ADCY10: variants seen among roughly 807,000 people sequenced by gnomAD.
ADCY10 encodes the protein adenylate cyclase type 10.
In ADCY10, 156 loss-of-function variants were observed where a neutral mutation model predicts 183.3. The ratio of observed to expected loss-of-function variants is 0.85; its 90% CI spans 0.75 to 0.97. ADCY10 has a LOEUF of 0.97. Ranked by LOEUF, ADCY10 falls within the 50% of genes least tolerant of loss-of-function variation. The pLI, the probability that ADCY10 is intolerant of heterozygous loss-of-function variation, is 0.00. For synonymous variants in ADCY10, 645 were observed against 670.0 expected (o/e 0.96, Z 0.58); for missense variants, 1,745 against 1,934.3 (o/e 0.90, Z 1.84).
chr1:167,898,220 T>C (rs969992018), intron 6 of ADCY10, among the ~76,000 whole-genome samples: 2 of 151,446 alleles, frequency 1.3e-5, no homozygotes, highest in South Asian at 2.1e-4. Flanking sequence ...AGGTGAGGGA[T>C]ATATGGAAAC....
intron 21 of ADCY10, among the ~76,000 whole-genome samples, chr1:167,838,980 T>C (rs1664428822): frequency 6.6e-6 from 1 of 152,246 alleles, no homozygotes; most frequent in Non-Finnish European, 1.5e-5. Context: ...CCGTTGACCA[T>C]ACCCAAAAAC....
chr1:167,874,051 G>T (rs1407485391), intron 13 of ADCY10, among the ~76,000 whole-genome samples: 1 of 152,188 alleles, frequency 6.6e-6, no homozygotes, highest in Non-Finnish European at 1.5e-5. Flanking sequence ...AAATGTCTGG[G>T]CTGGGCACAG....
intron 13 of ADCY10, among the ~76,000 whole-genome samples, 157 bp from the exon 14 acceptor site, chr1:167,870,567 C>T (rs951730359): frequency 1.4e-5 from 2 of 145,094 alleles, no homozygotes; most frequent in Admixed American, 7.2e-5. Context: ...CCGAGGTGGG[C>T]GGATCTGCTG....
chr1:167,812,651 A>C (rs1571199200), intron 31 of ADCY10, among the ~76,000 whole-genome samples: 1 of 152,216 alleles, frequency 6.6e-6, no homozygotes, highest in South Asian at 2.1e-4. Context: ...CAAGGGGGAA[A>C]AAATATCAAG....
At chr1:167,887,255 A>T (rs903942771) in intron 8 of ADCY10, among the ~76,000 whole-genome samples, 6 of 152,354 alleles carry the variant, frequency 3.9e-5, no homozygotes, top group African/African-American at 1.4e-4. Context: ...ATGTATGTTT[A>T]TTGTGGCACT....
chr1:167,862,569 T>C (rs1666361194), intron 14 of ADCY10, among the ~76,000 whole-genome samples: 1 of 152,186 alleles, frequency 6.6e-6, no homozygotes, highest in Admixed American at 6.5e-5. Context: ...CAAATTTCTG[T>C]TGTAAGCCAT....
intron 13 of ADCY10, 87 bp downstream of exon 13, chr1:167,875,044 T>C (rs1480813840): frequency 1.8e-6 from 2 of 1,089,448 alleles, no homozygotes; most frequent in Non-Finnish European, 2.8e-6. Flanking sequence ...GATAATTCAT[T>C]AAGCTGCACA....
Position 167,905,943 on chromosome 1 carries a change from A to C in ADCY10, c.-58-745T>G, listed in dbSNP as rs75966248. Among the ~76,000 whole-genome samples, 891 of 152,332 alleles carry C rather than the reference A, an allele frequency of 5.8e-3. 5 individuals are homozygous for C. The highest frequency in any genetic ancestry group is 0.021 in the African/African-American group (857 of 41,558). ...TCATGCTCTACCAGCCTGAACAGTA[A>C]AAGCAAACACCCTTTACTTTTTCAG... On this transcript the variant is annotated intron_variant, in intron 1 of 32. Coordinates refer to ENST00000367851, the MANE Select transcript of ADCY10 (RefSeq NM_018417.6).
At chr1:167,815,052 GA>G (rs1397891476) in intron 31 of ADCY10, among the ~76,000 whole-genome samples, 2 of 152,198 alleles carry the variant, frequency 1.3e-5, no homozygotes, top group South Asian at 2.1e-4. Flanking sequence ...TTGAACCTAG[GA>G]GACGGAGGTT....
At chr1:167,882,868 C>T (rs1667964168) in intron 9 of ADCY10, among the ~76,000 whole-genome samples, 1 of 152,160 alleles carries the variant, frequency 6.6e-6, no homozygotes. Context: ...TCAGCATCCT[C>T]ATCTATATAA....
rs75209820 is a variant in ADCY10, at chr1:167,818,069, C to T, written c.4482+3G>A. ...ATACTGGAAACTGGAGAATAGGCCT[C>T]ACCTTGAGTAGCTCCTCCCCACTGG... On this transcript the variant is annotated splice_donor_region_variant and intron_variant, in intron 31 of 32. Coordinates refer to ENST00000367851, the MANE Select transcript of ADCY10 (RefSeq NM_018417.6). 4.5e-3 allele frequency: 7,287 copies of T among 1,614,096 alleles called. 87 individuals are homozygous for T. The highest frequency in any genetic ancestry group is 0.035 in the African/African-American group (2,650 of 75,038).
chr1:167,896,456 TA>T, intron 7 of ADCY10, 138 bp downstream of exon 7: 1 of 759,624 alleles, frequency 1.3e-6, no homozygotes, highest in Non-Finnish European at 2.4e-6. Context: ...GAATGGGAAG[TA>T]GGTCCCCTTT....
intron 16 of ADCY10, among the ~76,000 whole-genome samples, chr1:167,858,576 CA>C (rs1029611486): frequency 1.6e-4 from 24 of 149,638 alleles, no homozygotes; most frequent in African/African-American, 5.2e-4. Flanking sequence ...TAATGAATGG[CA>C]ATATGCCATA....
chr1:167,879,784 AT>A (rs1318756749), intron 11 of ADCY10, among the ~76,000 whole-genome samples: 2 of 152,172 alleles, frequency 1.3e-5, no homozygotes, highest in Non-Finnish European at 2.9e-5. Flanking sequence ...AACATTCATA[AT>A]TTTTAAGGAG....
Position 167,904,731 on chromosome 1 carries a change from G to A in ADCY10, c.148+262C>T, listed in dbSNP as rs371100906. 1,399 of 611,610 alleles carry A rather than the reference G, an allele frequency of 2.3e-3. 38 individuals are homozygous for A. In the South Asian group the frequency reaches 0.026, roughly 11 times the overall value. The allele number at this position is 611,610 out of a possible 1,614,324, so 37.9% of individuals were successfully genotyped here. A position where few individuals can be genotyped will look rare whatever the true frequency, so the allele number is the denominator to read the frequency against. ...CTGGAGAGGATGAGTCAGTGAAGTTGGGGCAGAGATACTGGAGCAAAGAAT... is the reference window on the plus strand; with the variant it reads ...CTGGAGAGGATGAGTCAGTGAAGTTAGGGCAGAGATACTGGAGCAAAGAAT... On this transcript the variant is annotated intron_variant, in intron 2 of 32. Transcript: ENST00000367851.
intron 14 of ADCY10, among the ~76,000 whole-genome samples, chr1:167,862,394 T>G (rs1036215840): frequency 5.9e-5 from 9 of 152,112 alleles, no homozygotes; most frequent in Non-Finnish European, 1.3e-4. Context: ...CCATGTGACA[T>G]GAAGGCAGAG....
At chr1:167,858,275 G>A (rs1010970839) in intron 16 of ADCY10, among the ~76,000 whole-genome samples, 5 of 151,876 alleles carry the variant, frequency 3.3e-5, no homozygotes, top group African/African-American at 9.7e-5. Context: ...TGAGATGGGC[G>A]GATCACAAGG....
chr1:167,845,796 C>T lies in ADCY10; in HGVS notation c.2774G>A (p.Arg925Lys), dbSNP rs1376318277. ...ELENEVIECH[R>K]IRFCNPMMQK... ...CATCATAGGGTTACAGAATCGAATC[C>T]TGTGGCACTCGATCACCTCATTCTC... Residue 925 changes from arginine (R) to lysine (K), a missense_variant, in exon 21 of 33, where the codon AGG (arginine) becomes AAG (lysine). Coordinates refer to ENST00000367851, the MANE Select transcript of ADCY10 (RefSeq NM_018417.6). The T allele has an allele frequency of 1.2e-6, 2 of 1,614,160 alleles. No homozygotes were observed. Among genetic ancestry groups the T allele is most frequent in the East Asian group, 2.2e-5 (1 of 44,884 alleles).
intron 31 of ADCY10, among the ~76,000 whole-genome samples, chr1:167,812,288 C>T (rs895717415): frequency 1.3e-5 from 2 of 152,198 alleles, no homozygotes; most frequent in Non-Finnish European, 2.9e-5. Flanking sequence ...CCTCCCCCAA[C>T]TTTATTTTTT....
Sources: gnomAD v4.1 joint callset for allele counts (sites outside exome capture counted in the v4.1 genomes callset) on GRCh38, gnomAD v4.1.1 for gene constraint, MANE v1.5 for transcripts, NCBI Gene and HGNC (gene_info 2026-07-23, HGNC 2026-07-21) for gene names.